Variants in ROBO2 observed in about 807,000 individuals in gnomAD.
ROBO2 encodes roundabout homolog 2.
ROBO2 carries 53 observed loss-of-function variants against 160.8 expected under a neutral mutation model. That is an observed-to-expected ratio of 0.33 (90% CI 0.26 to 0.41). ROBO2 has a LOEUF of 0.41. ROBO2 is among the 10% of genes least tolerant of loss of function. ROBO2 has a pLI of 1.00. For missense variants in ROBO2, 1,577 were observed against 1,722.4 expected, an observed-to-expected ratio of 0.92 and a Z score of 1.49; for synonymous variants, 664 against 611.7, an observed-to-expected ratio of 1.09 and a Z score of -1.26.
intron 2 of ROBO2, among the ~76,000 whole-genome samples, chr3:77,201,949 C>G (rs1280312804): frequency 6.6e-6 from 1 of 152,044 alleles, no homozygotes; most frequent in East Asian, 1.9e-4. Flanking sequence ...ATGGGTTTTA[C>G]TAACTTAAAA....
chr3:77,488,362 G>T (rs2085640555), intron 4 of ROBO2, among the ~76,000 whole-genome samples: 1 of 152,160 alleles, frequency 6.6e-6, no homozygotes, highest in South Asian at 2.1e-4. Flanking sequence ...ATTCAGAGAG[G>T]CTCTGATCTA....
chr3:77,340,807 T>C (rs1169381383), intron 2 of ROBO2, among the ~76,000 whole-genome samples: 2 of 152,100 alleles, frequency 1.3e-5, no homozygotes, highest in Non-Finnish European at 2.9e-5. Flanking sequence ...AGAAAGCATT[T>C]CATATGGCAG....
At chr3:77,212,390 G>A (rs894718789) in intron 2 of ROBO2, among the ~76,000 whole-genome samples, 21 of 152,150 alleles carry the variant, frequency 1.4e-4, no homozygotes, top group Non-Finnish European at 1.3e-4. Flanking sequence ...TCTTATTGGT[G>A]TATAAGAATG....
exon 14 of ROBO2, chr3:77,574,545 G>T (rs376737394): frequency 3.7e-6 from 6 of 1,613,212 alleles, no homozygotes; most frequent in African/African-American, 2.7e-5. Flanking sequence ...GTGATGTATC[G>T]TCAGACTTCA....
intron 2 of ROBO2, among the ~76,000 whole-genome samples, chr3:77,004,228 T>C (rs1459415407): frequency 6.6e-6 from 1 of 152,242 alleles, no homozygotes; most frequent in African/African-American, 2.4e-5. Context: ...TTAATGATTA[T>C]TGACATTAAT....
chr3:77,595,274 A>T lies in ROBO2; in HGVS notation c.2726+90A>T. On this transcript the variant is annotated intron_variant, in intron 18 of 25. Coordinates refer to ENST00000461745, the Ensembl canonical transcript of ROBO2. ...TAAGAGCCTATTATTGTAATAAATG[A>T]TCACTTAAAAGTCTGAGAATTCTAG... is the stretch of plus-strand genomic sequence containing the variant. 3 of 1,013,746 alleles carry T rather than the reference A, an allele frequency of 3.0e-6. No individual in the cohort carries two copies. The South Asian group carries it at 4.2e-5, about 14-fold the overall frequency. 62.8% of individuals were successfully genotyped at this position (1,013,746 alleles called of 1,614,324 possible).
exon 16 of ROBO2, chr3:77,580,018 A>G (rs1308671853): frequency 4.3e-6 from 7 of 1,613,710 alleles, no homozygotes; most frequent in African/African-American, 1.3e-5. Flanking sequence ...GGTCCGTAAT[A>G]ATTGGTGGAT....
chr3:76,754,313 G>A (rs1044274169), intron 2 of ROBO2, among the ~76,000 whole-genome samples: 1 of 151,826 alleles, frequency 6.6e-6, no homozygotes, highest in Non-Finnish European at 1.5e-5. Context: ...TGAAAGACAC[G>A]AAATATTCTG....
At chr3:76,002,636 C>T (rs533597149) in intron 2 of ROBO2, among the ~76,000 whole-genome samples, 26 of 152,240 alleles carry the variant, frequency 1.7e-4, no homozygotes, top group Admixed American at 1.0e-3. Flanking sequence ...CTTCCCAGCA[C>T]GTGGAACTGT....
chr3:76,225,547 T>G (rs1704232136), intron 2 of ROBO2, among the ~76,000 whole-genome samples: 1 of 151,982 alleles, frequency 6.6e-6, no homozygotes, highest in African/African-American at 2.4e-5. Context: ...AAATCCAGTC[T>G]TTACAAAAAT....
chr3:75,920,069 C>T (rs1275348623), intron 1 of ROBO2, among the ~76,000 whole-genome samples: 1 of 152,018 alleles, frequency 6.6e-6, no homozygotes. Flanking sequence ...TATTTCTTGT[C>T]TTATGCTAGG....
chr3:77,209,611 A>G (rs1345800231), intron 2 of ROBO2, among the ~76,000 whole-genome samples: 1 of 152,098 alleles, frequency 6.6e-6, no homozygotes, highest in East Asian at 1.9e-4. Context: ...ACCGAGGCAA[A>G]TTAATATAGT....
At chr3:75,915,830 G>C (rs1200919291) in intron 1 of ROBO2, among the ~76,000 whole-genome samples, 1 of 152,152 alleles carries the variant, frequency 6.6e-6, no homozygotes, top group Non-Finnish European at 1.5e-5. Flanking sequence ...ATATTCAGCT[G>C]TGTAGCATAT....
At chr3:77,493,171 T>G in intron 4 of ROBO2, 73 bp from the exon 5 acceptor site, 1 of 1,546,258 alleles carries the variant, frequency 6.5e-7, no homozygotes, top group South Asian at 1.1e-5. Flanking sequence ...TTTCCTTTGC[T>G]TTTTTCATAA....
intron 2 of ROBO2, among the ~76,000 whole-genome samples, chr3:75,968,108 A>G (rs1006131378): frequency 6.6e-6 from 1 of 151,668 alleles, no homozygotes; most frequent in Non-Finnish European, 1.5e-5. Context: ...ACATGCACAC[A>G]TGATCAGAGA....
At chr3:77,235,878 C>A (rs574230298) in intron 2 of ROBO2, among the ~76,000 whole-genome samples, 1 of 152,162 alleles carries the variant, frequency 6.6e-6, no homozygotes, top group Non-Finnish European at 1.5e-5. Flanking sequence ...ATCAACATCC[C>A]ACACTGACGT....
intron 2 of ROBO2, among the ~76,000 whole-genome samples, chr3:76,448,395 C>G (rs149725559): frequency 3.2e-4 from 48 of 152,104 alleles, no homozygotes; most frequent in African/African-American, 1.1e-3. Context: ...TCATGGTTTC[C>G]TGGGAGGAAA....
intron 2 of ROBO2, among the ~76,000 whole-genome samples, chr3:77,162,739 A>G (rs1229951767): frequency 6.6e-6 from 1 of 152,230 alleles, no homozygotes; most frequent in Non-Finnish European, 1.5e-5. Flanking sequence ...GGTTTAAAGC[A>G]TTGAGGCCTG....
chr3:76,515,329 T>C (rs1288456193), intron 2 of ROBO2, among the ~76,000 whole-genome samples: 1 of 152,206 alleles, frequency 6.6e-6, no homozygotes, highest in Non-Finnish European at 1.5e-5. Flanking sequence ...ATGTTATTTG[T>C]TTCTATATTT....
Sources: allele counts gnomAD v4.1 joint callset (sites outside exome capture counted in the v4.1 genomes callset), GRCh38; gene constraint gnomAD v4.1.1; transcripts MANE v1.5; gene names NCBI Gene and HGNC (gene_info 2026-07-23, HGNC 2026-07-21).